Variants in WWP2 observed in about 807,000 individuals in gnomAD.
WWP2 encodes the protein NEDD4-like E3 ubiquitin-protein ligase WWP2.
Under a neutral mutation model 121.0 loss-of-function variants are expected in WWP2, and 57 were observed. The ratio of observed to expected loss-of-function variants is 0.47; its 90% CI spans 0.38 to 0.59. The LOEUF is 0.59. Among genes scored for constraint, WWP2 ranks in the 20% least tolerant of loss-of-function variants. The probability of loss-of-function intolerance (pLI) is 0.00; values close to 1 mark genes in which losing one functional copy is unlikely to be tolerated. For missense variants in WWP2, 962 were observed against 1,158.9 expected (o/e 0.83, Z 2.47); for synonymous variants, 449 against 441.3 (o/e 1.02, Z -0.22).
chr16:69,770,532 C>G (rs988184968), intron 1 of WWP2, among the ~76,000 whole-genome samples: 3 of 152,128 alleles, frequency 2.0e-5, no homozygotes, highest in Non-Finnish European at 2.9e-5. Flanking sequence ...TCATAATATC[C>G]TTTATAATAA....
At chr16:69,781,279 T>G (rs2055658598) in intron 1 of WWP2, among the ~76,000 whole-genome samples, 1 of 149,770 alleles carries the variant, frequency 6.7e-6, no homozygotes. Flanking sequence ...CAGAGAGGGG[T>G]GTGGAAATGG....
At chr16:69,885,141 A>ACACACACACAC (rs1555499891) in intron 7 of WWP2, among the ~76,000 whole-genome samples, 1 of 148,556 alleles carries the variant, frequency 6.7e-6, no homozygotes. Context: ...ACACACACAC[A>ACACACACACAC]TTCTTCTTCT....
chr16:69,887,466 CAT>C (rs2057945568), intron 7 of WWP2, among the ~76,000 whole-genome samples: 1 of 152,118 alleles, frequency 6.6e-6, no homozygotes, highest in Admixed American at 6.6e-5. Flanking sequence ...AGTGCAGTGG[CAT>C]AGTCTTGGCT....
At chr16:69,841,892 C>T in intron 5 of WWP2, 132 bp from the exon 6 acceptor site, 2 of 786,524 alleles carry the variant, frequency 2.5e-6, no homozygotes, top group Admixed American at 2.3e-5. Context: ...CTGCAGCTTG[C>T]CGGATGTCCA....
intron 1 of WWP2, chr16:69,776,115 A>T (rs2055521720): frequency 6.6e-6 from 1 of 152,232 alleles, no homozygotes; most frequent in South Asian, 2.1e-4. Context: ...CTCATGGTCA[A>T]ATCCTAGTCT....
chr16:69,846,060 A>AAAAAAAAAAAAAAAAAG (rs2057071745), intron 6 of WWP2, among the ~76,000 whole-genome samples: 1 of 149,242 alleles, frequency 6.7e-6, no homozygotes, highest in Non-Finnish European at 1.5e-5. Context: ...AAAAAAAAAA[A>AAAAAAAAAAAAAAAAAG]AAAAAAAAAA....
intron 6 of WWP2, among the ~76,000 whole-genome samples, chr16:69,864,724 ATTT>A: frequency 7.3e-6 from 1 of 137,764 alleles, no homozygotes; most frequent in Non-Finnish European, 1.6e-5. Flanking sequence ...GAATTTTTGC[ATTT>A]TTTTTTTTTT....
chr16:69,816,954 A>G (rs541397122), intron 4 of WWP2, among the ~76,000 whole-genome samples: 1 of 152,336 alleles, frequency 6.6e-6, no homozygotes, highest in African/African-American at 2.4e-5. Context: ...TCTCAGAGTT[A>G]GGATTTAACC....
At chr16:69,822,235 C>G (rs962306339) in intron 4 of WWP2, among the ~76,000 whole-genome samples, 1 of 152,062 alleles carries the variant, frequency 6.6e-6, no homozygotes, top group South Asian at 2.1e-4. Flanking sequence ...GTGAGAGTTT[C>G]TTTCTTCTCT....
chr16:69,806,386 C>G (rs1245997258), intron 4 of WWP2, among the ~76,000 whole-genome samples: 1 of 152,016 alleles, frequency 6.6e-6, no homozygotes, highest in Non-Finnish European at 1.5e-5. Flanking sequence ...TAGCTTTGGT[C>G]TATTTTTGTC....
At chr16:69,772,394 G>A (rs1312998960) in intron 1 of WWP2, among the ~76,000 whole-genome samples, 1 of 152,058 alleles carries the variant, frequency 6.6e-6, no homozygotes, top group African/African-American at 2.4e-5. Context: ...TACTGATGCA[G>A]GGCACGTGAG....
intron 9 of WWP2, among the ~76,000 whole-genome samples, chr16:69,913,410 G>A (rs2151968106): frequency 6.6e-6 from 1 of 152,048 alleles, no homozygotes; most frequent in African/African-American, 2.4e-5. Flanking sequence ...GCTGAGGTGG[G>A]AGAATCAGTT....
chr16:69,813,064 T>C (rs1227001610), intron 4 of WWP2, among the ~76,000 whole-genome samples: 1 of 151,936 alleles, frequency 6.6e-6, no homozygotes, highest in Non-Finnish European at 1.5e-5. Context: ...AAGAAGGGCT[T>C]TCCGTTTTCA....
At chr16:69,804,465 T>C (rs2056234893) in intron 4 of WWP2, among the ~76,000 whole-genome samples, 2 of 152,216 alleles carry the variant, frequency 1.3e-5, no homozygotes, top group South Asian at 4.1e-4. Context: ...GTTTCCCCAA[T>C]GACTTGAGTT....
Position 69,842,127 on chromosome 16 carries a change from C to A in WWP2, c.575+7C>A, listed in dbSNP as rs774545413. 10 of 1,610,654 alleles carry A rather than the reference C, an allele frequency of 6.2e-6. No individual in the cohort carries two copies. Among genetic ancestry groups the A allele is most frequent in the Non-Finnish European group, 8.5e-6 (10 of 1,178,340 alleles). On this transcript the variant is annotated splice_region_variant and intron_variant, in intron 6 of 23. Coordinates refer to ENST00000359154, the MANE Select transcript of WWP2 (RefSeq NM_001270454.2). ...GCTTTGGTGGAAGATCCCGGTAAGACCCCCCTTGGTGAGGACAAAGAGCTA... is the reference window on the plus strand; with the variant it reads ...GCTTTGGTGGAAGATCCCGGTAAGAACCCCCTTGGTGAGGACAAAGAGCTA...
At chr16:69,872,187 C>G (rs1567396859) in intron 7 of WWP2, among the ~76,000 whole-genome samples, 1 of 152,040 alleles carries the variant, frequency 6.6e-6, no homozygotes, top group Non-Finnish European at 1.5e-5. Flanking sequence ...AATAAAAAGT[C>G]TTGTCTTTCT....
At position 69,929,547 on chromosome 16, in the gene WWP2, GA is replaced by G; in HGVS notation, c.1316+19del. On this transcript the variant is annotated intron_variant, in intron 12 of 23. Coordinates refer to ENST00000359154, the MANE Select transcript of WWP2 (RefSeq NM_001270454.2). Reference sequence around the variant, plus strand: ...ACCCAGGGGTAAGGACTTGGGCTGAGAGGGGGGCCGGGCTGGGCTGGGTCTC... The same window carrying G: ...ACCCAGGGGTAAGGACTTGGGCTGAGGGGGGGCCGGGCTGGGCTGGGTCTC... 2 of 1,612,734 alleles carry G rather than the reference GA, an allele frequency of 1.2e-6. No homozygotes were observed. The highest frequency in any genetic ancestry group is 1.7e-6 in the Non-Finnish European group (2 of 1,178,770).
intron 4 of WWP2, among the ~76,000 whole-genome samples, chr16:69,838,445 TAA>T (rs3086443): frequency 0.76 from 105,537 of 139,280 alleles, 39,965 homozygotes; most frequent in Non-Finnish European, 0.79. Flanking sequence ...CTCCTTGACT[TAA>T]AAAAAAAAAA....
At chr16:69,924,159 T>G (rs1367631854) in intron 10 of WWP2, among the ~76,000 whole-genome samples, 1 of 152,196 alleles carries the variant, frequency 6.6e-6, no homozygotes, top group African/African-American at 2.4e-5. Context: ...TGTTGGAACT[T>G]GCTTGGAAGA....
Sources: allele counts gnomAD v4.1 joint callset (sites outside exome capture counted in the v4.1 genomes callset), GRCh38; gene constraint gnomAD v4.1.1; transcripts MANE v1.5; gene names NCBI Gene and HGNC (gene_info 2026-07-23, HGNC 2026-07-21).